UBE2J2: variants seen among roughly 807,000 people sequenced by gnomAD.
The protein encoded by UBE2J2 is ubiquitin-conjugating enzyme E2 J2.
UBE2J2 carries 5 observed loss-of-function variants against 28.6 expected under a neutral mutation model. That is an observed-to-expected ratio of 0.17 (90% CI 0.09 to 0.37). The LOEUF is 0.37. UBE2J2 is among the 10% of genes least tolerant of loss of function. The pLI, the probability that UBE2J2 is intolerant of heterozygous loss-of-function variation, is 1.00. For synonymous variants in UBE2J2, 138 were observed against 139.7 expected (o/e 0.99, Z 0.09); for missense variants, 226 against 338.9 (o/e 0.67, Z 2.62).
At chr1:1,261,207 G>C (rs983132315) in intron 3 of UBE2J2, among the ~76,000 whole-genome samples, 23 of 152,190 alleles carry the variant, frequency 1.5e-4, no homozygotes, top group African/African-American at 5.1e-4. Context: ...AGAGCAAAAG[G>C]CATCCCCCAG....
chr1:1,271,319 T>A (rs959919633), intron 1 of UBE2J2, among the ~76,000 whole-genome samples: 3 of 152,270 alleles, frequency 2.0e-5, no homozygotes, highest in African/African-American at 7.2e-5. Flanking sequence ...CCACACAGGC[T>A]GTCCTTTCGA....
At chr1:1,257,346 C>G in intron 3 of UBE2J2, 36 bp from the exon 4 acceptor site, 1 of 1,420,876 alleles carries the variant, frequency 7.0e-7, no homozygotes, top group Non-Finnish European at 9.8e-7. Context: ...CCTTGTCGTC[C>G]GCCACAGCAG....
At chr1:1,263,055 G>A (rs550832188) in intron 3 of UBE2J2, 2 of 374,466 alleles carry the variant, frequency 5.3e-6, no homozygotes, top group Non-Finnish European at 5.0e-6. Flanking sequence ...AGTAGAACAG[G>A]CCAGCTTCAG....
intron 2 of UBE2J2, among the ~76,000 whole-genome samples, chr1:1,265,021 A>G (rs932505334): frequency 3.3e-5 from 5 of 152,186 alleles, no homozygotes; most frequent in African/African-American, 1.2e-4. Context: ...TTGACCCAGG[A>G]ACCCAGTGGC....
chr1:1,259,135 ATGCCATCAGGACGCG>A, intron 3 of UBE2J2, among the ~76,000 whole-genome samples: 1 of 131,162 alleles, frequency 7.6e-6, no homozygotes, highest in African/African-American at 3.1e-5. Context: ...ACGTGTGTGC[ATGCCATCAGGACGCG>A]TGTGTGCGTG....
rs761438757 is a variant in UBE2J2, at chr1:1,255,178, C to T, written c.*25G>A. 25 of 1,559,786 alleles carry T rather than the reference C, an allele frequency of 1.6e-5. No individual in the cohort carries two copies. The highest frequency in any genetic ancestry group is 3.4e-4 in the Middle Eastern group (2 of 5,828). On this transcript the variant is annotated 3_prime_UTR_variant, in exon 7 of 7. Transcript: ENST00000349431. Reference sequence around the variant, plus strand: ...CTCTGGTGCGCGGTGCCCTCAGTGGCGCCTTGGGTCTCGGCGCCTGGGCCT... The same window carrying T: ...CTCTGGTGCGCGGTGCCCTCAGTGGTGCCTTGGGTCTCGGCGCCTGGGCCT...
intron 3 of UBE2J2, among the ~76,000 whole-genome samples, chr1:1,259,270 T>G (rs1324514655): frequency 6.6e-6 from 1 of 150,948 alleles, no homozygotes; most frequent in Non-Finnish European, 1.5e-5. Flanking sequence ...TGTGTGTGCA[T>G]GTGTATGTGC....
chr1:1,269,464 T>A (rs531875350), intron 1 of UBE2J2, among the ~76,000 whole-genome samples: 9 of 151,910 alleles, frequency 5.9e-5, no homozygotes, highest in Admixed American at 6.5e-5. Flanking sequence ...AACCTTATTT[T>A]TTTTTTTTTT....
intron 6 of UBE2J2, among the ~76,000 whole-genome samples, chr1:1,255,758 G>A (rs999225644): frequency 2.0e-5 from 3 of 152,316 alleles, no homozygotes; most frequent in East Asian, 1.9e-4. Flanking sequence ...CATGGCAGCC[G>A]CTGTGCCTCC....
intron 3 of UBE2J2, among the ~76,000 whole-genome samples, chr1:1,259,147 C>T (rs889151905): frequency 2.2e-5 from 3 of 137,948 alleles, no homozygotes; most frequent in East Asian, 2.0e-4. Flanking sequence ...GCCATCAGGA[C>T]GCGTGTGTGC....
At chr1:1,259,679 C>T (rs1248984836) in intron 3 of UBE2J2, among the ~76,000 whole-genome samples, 8 of 152,196 alleles carry the variant, frequency 5.3e-5, no homozygotes, top group African/African-American at 1.4e-4. Flanking sequence ...TCCACCCAGA[C>T]GCCCGCCCTA....
rs1327263889 is a variant in UBE2J2, at chr1:1,268,566, G to A, written c.1-574C>T. On this transcript the variant is annotated intron_variant, in intron 1 of 6. Coordinates refer to ENST00000349431, the MANE Select transcript of UBE2J2 (RefSeq NM_058167.3). This position sits in a 1 kb window ranked among gnomAD's most constrained non-coding sequence, Gnocchi z 4.7. ...GACTCCAAGGCACTCACTGGGCAGAGCAGCTGTCTTCCTGGTAGAAGGGGC... is the reference window on the plus strand; with the variant it reads ...GACTCCAAGGCACTCACTGGGCAGAACAGCTGTCTTCCTGGTAGAAGGGGC... 2.0e-5 allele frequency among the ~76,000 whole-genome samples: 3 copies of A among 152,342 alleles called. No individual in the cohort carries two copies. Among genetic ancestry groups the A allele is most frequent in the Non-Finnish European group, 4.4e-5 (3 of 68,042 alleles).
chr1:1,265,838 T>G (rs1639828769), intron 2 of UBE2J2, among the ~76,000 whole-genome samples: 1 of 152,098 alleles, frequency 6.6e-6, no homozygotes, highest in African/African-American at 2.4e-5. Flanking sequence ...TTCCACCATG[T>G]TGGCCAGGCT....
intron 3 of UBE2J2, among the ~76,000 whole-genome samples, 190 bp from the exon 4 acceptor site, chr1:1,257,500 A>G (rs906060337): frequency 7.1e-6 from 1 of 140,524 alleles, no homozygotes; most frequent in Non-Finnish European, 1.5e-5. Context: ...ACTACCACCC[A>G]CTGTCATGAC....
At chr1:1,259,011 C>T (rs532957747) in intron 3 of UBE2J2, among the ~76,000 whole-genome samples, 29 of 152,130 alleles carry the variant, frequency 1.9e-4, no homozygotes, top group Admixed American at 1.6e-3. Flanking sequence ...GCCATCAGGA[C>T]GCGTGTGTGC....
At position 1,255,459 on chromosome 1, in the gene UBE2J2, T is replaced by C. The variant is rs1557546930; in HGVS notation, c.524A>G (p.Asp175Gly). The C allele has an allele frequency of 1.2e-6, 2 of 1,611,432 alleles. No individual in the cohort carries two copies. The highest frequency in any genetic ancestry group is 1.7e-5 in the Admixed American group (1 of 59,928). Residue 175 changes from aspartate (D) to glycine (G), a missense_variant, in exon 7 of 7, where the codon GAC becomes GGC. Asp to Gly is a moderately conservative substitution (Grantham distance 94). Transcript: ENST00000349431. ...AGTCTGGGGTCTGCTACTGAGTTCG[T>C]CTTGTGCTTTCTGTTTTTGTTTAAT... ...EEIKQKQKAQ[D>G]ELSSRPQTLP... is the part of the protein sequence containing the mutation.
chr1:1,269,715 C>T (rs929174386), intron 1 of UBE2J2, among the ~76,000 whole-genome samples: 1 of 152,092 alleles, frequency 6.6e-6, no homozygotes, highest in African/African-American at 2.4e-5. Context: ...CTGCCCACCT[C>T]GGCCTCCCAA....
chr1:1,263,318 GTTC>G (rs1557559166), intron 3 of UBE2J2, 25 bp downstream of exon 3: 5 of 1,606,806 alleles, frequency 3.1e-6, no homozygotes, highest in Admixed American at 3.3e-5. Flanking sequence ...ACCGCCTGGT[GTTC>G]TTCTCCTAAG....
intron 5 of UBE2J2, chr1:1,256,446 C>A: frequency 3.3e-6 from 1 of 298,794 alleles, no homozygotes; most frequent in South Asian, 3.5e-5. Context: ...AAGGAGGAGC[C>A]CCTGGCGGGT....
Sources: gnomAD v4.1 joint callset for allele counts (sites outside exome capture counted in the v4.1 genomes callset) on GRCh38, gnomAD v4.1.1 for gene constraint, Gnocchi (gnomAD v3.1) non-coding constraint, MANE v1.5 for transcripts, NCBI Gene and HGNC (gene_info 2026-07-23, HGNC 2026-07-21) for gene names.